Variants in CD52 observed in about 807,000 individuals in gnomAD.
The protein encoded by CD52 is CAMPATH-1 antigen.
A neutral mutation model predicts 2.5 loss-of-function variants in CD52; 2 were observed. The observed-to-expected ratio is 0.79, with a 90% CI of 0.32 to 2.48. CD52 has a LOEUF of 2.48. CD52 is among the 30% of genes most tolerant of loss of function. CD52 has a pLI of 0.11. For synonymous variants in CD52, 24 were observed against 27.7 expected (o/e 0.87, Z 0.42); for missense variants, 62 against 75.8 (o/e 0.82, Z 0.68).
At chr1:26,318,879 T>A (rs1330733745) in intron 1 of CD52, 1 of 152,478 alleles carries the variant, frequency 6.6e-6, no homozygotes, top group Non-Finnish European at 1.5e-5. Flanking sequence ...ACAACTGTGA[T>A]GAACTTCTCC....
chr1:26,320,437 G>A lies in CD52; in HGVS notation c.*135G>A, dbSNP rs1557698431. On this transcript the variant is annotated 3_prime_UTR_variant, in exon 2 of 2. Coordinates refer to ENST00000374213, the MANE Select transcript of CD52 (RefSeq NM_001803.3). ...TGTAGAAGTTGACAGGCAGTGCCAT[G>A]GGGGCAACAGCCAAAATAGGGGGGT... 3 of 1,207,556 alleles carry A rather than the reference G, an allele frequency of 2.5e-6. No individual in the cohort carries two copies. The highest frequency in any genetic ancestry group is 1.5e-5 in the African/African-American group (1 of 64,972). 74.8% of individuals were successfully genotyped at this position (1,207,556 alleles called of 1,614,324 possible). A position where few individuals can be genotyped will look rare whatever the true frequency, so the allele number is the denominator to read the frequency against.
rs17645 is a variant in CD52, at chr1:26,320,239, A to G, written c.123A>G (p.Ile41Met). 0.72 allele frequency: 1,166,842 copies of G among 1,612,100 alleles called. 428,050 individuals carry two copies. The highest frequency in any genetic ancestry group is 0.76 in the Non-Finnish European group (896,993 of 1,179,386). The change falls in exon 2 of 2, where the codon ATA becomes ATG. Residue 41 changes from isoleucine to methionine, a missense_variant. Physicochemically the swap from Ile to Met is conservative, Grantham distance 10. Coordinates refer to ENST00000374213, the MANE Select transcript of CD52 (RefSeq NM_001803.3). ...QTSSPSASSN[I>M]SGGIFLFFVA... ...GCAGCCCCTCAGCATCCAGCAACAT[A>G]AGCGGAGGCATTTTCCTTTTCTTCG... is the stretch of plus-strand genomic sequence containing the variant.
At chr1:26,319,297 A>C (rs1419769653) in intron 1 of CD52, among the ~76,000 whole-genome samples, 1 of 152,012 alleles carries the variant, frequency 6.6e-6, no homozygotes, top group Non-Finnish European at 1.5e-5. Context: ...CCATAAATAC[A>C]AAAAGAAATT....
At position 26,318,456 on chromosome 1, in the gene CD52, G is replaced by A. The variant is rs1450864236; in HGVS notation, c.54+385G>A. On this transcript the variant is annotated intron_variant, in intron 1 of 1. Transcript: ENST00000374213. ...AGATGGTCCTTTGGGGAGAGGCCAGGAGATGTCCAAGTGGAGCCTGCTGTG... is the reference window on the plus strand; with the variant it reads ...AGATGGTCCTTTGGGGAGAGGCCAGAAGATGTCCAAGTGGAGCCTGCTGTG... The A allele has an allele frequency of 4.9e-5, 9 of 185,060 alleles. No individual in the cohort carries two copies. The Admixed American group carries it at 4.9e-4, about 10-fold the overall frequency. The allele number at this position is 185,060 out of a possible 1,614,324, so 11.5% of individuals were successfully genotyped here. A position where few individuals can be genotyped will look rare whatever the true frequency, so the allele number is the denominator to read the frequency against.
intron 1 of CD52, chr1:26,318,280 C>G: frequency 1.8e-6 from 1 of 565,548 alleles, no homozygotes; most frequent in South Asian, 2.2e-5. Context: ...GCGGGCTGCC[C>G]TGAGAGAAAC....
rs949479109 is a variant in CD52, at chr1:26,320,415, A to G, written c.*113A>G. ...TTGATGCCAGACATCACCAGGTTGT[A>G]GAAGTTGACAGGCAGTGCCATGGGG... On this transcript the variant is annotated 3_prime_UTR_variant, in exon 2 of 2. Transcript: ENST00000374213. 10 of 1,402,418 alleles carry G rather than the reference A, an allele frequency of 7.1e-6. No individual in the cohort carries two copies. The African/African-American group carries it at 1.4e-4, about 20-fold the overall frequency. The allele number at this position is 1,402,418 out of a possible 1,614,324, so 86.9% of individuals were successfully genotyped here. A position where few individuals can be genotyped will look rare whatever the true frequency, so the allele number is the denominator to read the frequency against.
At chr1:26,319,421 T>G (rs1363728162) in intron 1 of CD52, among the ~76,000 whole-genome samples, 1 of 147,764 alleles carries the variant, frequency 6.8e-6, no homozygotes. Context: ...ATCACGCCAC[T>G]GCACTCCAGC....
chr1:26,319,478 A>AC (rs2073830524), intron 1 of CD52, among the ~76,000 whole-genome samples: 2 of 147,230 alleles, frequency 1.4e-5, no homozygotes, highest in Non-Finnish European at 3.0e-5. Context: ...AAAAAAAAAA[A>AC]TTAGCTGGGC....
rs190638271 is a variant in CD52 at position 26,320,095 on chromosome 1, G to A, written c.55-76G>A. ...AGATCGCATCACTGCAGTCCAGCCT[G>A]GGTGACAGAGTGAGACTCCACCTCT... On this transcript the variant is annotated intron_variant, in intron 1 of 1. Transcript: ENST00000374213. 970 of 1,528,874 alleles carry A rather than the reference G, an allele frequency of 6.3e-4. 10 individuals carry two copies. The highest frequency in any genetic ancestry group is 4.8e-3 in the South Asian group (396 of 82,412). The allele number at this position is 1,528,874 out of a possible 1,614,324, so 94.7% of individuals were successfully genotyped here. A position where few individuals can be genotyped will look rare whatever the true frequency, so the allele number is the denominator to read the frequency against.
In CD52 at chr1:26,320,387, G is replaced by A. The variant is rs1208568387; in HGVS notation, c.*85G>A. On this transcript the variant is annotated 3_prime_UTR_variant, in exon 2 of 2. Coordinates refer to ENST00000374213, the MANE Select transcript of CD52 (RefSeq NM_001803.3). ...AGAGAATCCCCTCCATCTTTGGGAG[G>A]GGTTGATGCCAGACATCACCAGGTT... 1 of 1,507,168 alleles carries A rather than the reference G, an allele frequency of 6.6e-7. No homozygotes were observed. Among genetic ancestry groups the A allele is most frequent in the Non-Finnish European group, 8.9e-7 (1 of 1,125,864 alleles). 93.4% of individuals were successfully genotyped at this position (1,507,168 alleles called of 1,614,324 possible).
chr1:26,320,491 C>A lies in CD52; in HGVS notation c.*189C>A. 1.5e-6 allele frequency: 1 copy of A among 656,254 alleles called. No homozygotes were observed. 40.7% of individuals were successfully genotyped at this position (656,254 alleles called of 1,614,324 possible). A position where few individuals can be genotyped will look rare whatever the true frequency, so the allele number is the denominator to read the frequency against. ...GATGTAGGGGCCAAGCAGTGCCCAG[C>A]TGGGGGTCAATAAAGTTACCCTTGT... On this transcript the variant is annotated 3_prime_UTR_variant, in exon 2 of 2. Transcript: ENST00000374213.
intron 1 of CD52, 57 bp from the exon 2 acceptor site, chr1:26,320,114 C>T: frequency 6.4e-7 from 1 of 1,559,620 alleles, no homozygotes; most frequent in South Asian, 1.2e-5. Context: ...AGTGAGACTC[C>T]ACCTCTAAAA....
intron 1 of CD52, among the ~76,000 whole-genome samples, chr1:26,319,479 T>G (rs67402791): frequency 6.9e-6 from 1 of 144,778 alleles, no homozygotes; most frequent in African/African-American, 2.6e-5. Context: ...AAAAAAAAAA[T>G]TAGCTGGGCG....
chr1:26,317,982 AG>A lies in CD52; in HGVS notation c.-35del. ...CAGACAGCCCTGAGATCACCTAAAA[AG>A]CTGCTACCAAGACAGCCACGAAGAT... On this transcript the variant is annotated 5_prime_UTR_variant, in exon 1 of 2. Transcript: ENST00000374213. The A allele has an allele frequency of 6.2e-7, 1 of 1,606,142 alleles. No individual in the cohort carries two copies. The highest frequency in any genetic ancestry group is 8.5e-7 in the Non-Finnish European group (1 of 1,172,728).
intron 1 of CD52, among the ~76,000 whole-genome samples, chr1:26,319,603 C>CA (rs1340523491): frequency 2.6e-5 from 4 of 151,770 alleles, no homozygotes; most frequent in Non-Finnish European, 4.4e-5. Flanking sequence ...AACTCTATCT[C>CA]AAAAAAACAG....
chr1:26,319,603 CA>C (rs1340523491), intron 1 of CD52, among the ~76,000 whole-genome samples: 1 of 151,772 alleles, frequency 6.6e-6, no homozygotes, highest in Admixed American at 6.6e-5. Context: ...AACTCTATCT[CA>C]AAAAAACAGA....
chr1:26,319,449 C>A (rs1396179791), intron 1 of CD52, among the ~76,000 whole-genome samples: 5 of 127,568 alleles, frequency 3.9e-5, no homozygotes, highest in Admixed American at 1.7e-4. Flanking sequence ...GGCGACAGAG[C>A]AAGACTCTGT....
chr1:26,318,011 T>A lies in CD52; in HGVS notation c.-7T>A, dbSNP rs2073816109. On this transcript the variant is annotated 5_prime_UTR_variant, in exon 1 of 2. Transcript: ENST00000374213. The stretch of plus-strand genomic sequence containing the variant: ...GCTACCAAGACAGCCACGAAGATCC[T>A]ACCAAAATGAAGCGCTTCCTCTTCC... The A allele has an allele frequency of 6.2e-7, 1 of 1,613,884 alleles. No homozygotes were observed. Among genetic ancestry groups the A allele is most frequent in the Non-Finnish European group, 8.5e-7 (1 of 1,179,890 alleles).
chr1:26,318,263 A>G (rs2073818618), intron 1 of CD52, 192 bp downstream of exon 1: 4 of 588,582 alleles, frequency 6.8e-6, no homozygotes, highest in Non-Finnish European at 1.2e-5. Flanking sequence ...CTGGGGCTGC[A>G]CTGCTTGCGG....
Sources: gnomAD v4.1 joint callset for allele counts (sites outside exome capture counted in the v4.1 genomes callset) on GRCh38, gnomAD v4.1.1 for gene constraint, MANE v1.5 for transcripts, NCBI Gene and HGNC (gene_info 2026-07-23, HGNC 2026-07-21) for gene names.